Variants in WHRN observed in about 807,000 individuals in gnomAD.
WHRN encodes CASK-interacting protein CIP98.
A neutral mutation model predicts 68.3 loss-of-function variants in WHRN; 41 were observed. The observed-to-expected ratio is 0.60, with a 90% CI of 0.47 to 0.78. The LOEUF (loss-of-function observed/expected upper bound fraction) is 0.78. WHRN is among the 30% of genes least tolerant of loss of function. The pLI, the probability that WHRN is intolerant of heterozygous loss-of-function variation, is 0.00. For synonymous variants in WHRN, 560 were observed against 561.3 expected, an observed-to-expected ratio of 1.00 and a Z score of 0.03; for missense variants, 1,243 against 1,244.7, an observed-to-expected ratio of 1.00 and a Z score of 0.02.
Position 114,424,375 on chromosome 9 carries a change from G to T in WHRN, c.1375C>A (p.Leu459Ile). ...YRGGSVSVEA[L>I]VMALFKLLNT... ...AGCAGCTTGAACAGGGCCATGACGA[G>T]GGCCTCCACAGAGACGCTGCCACCA... The change falls in exon 6 of 12, where the codon CTC becomes ATC. Residue 459 changes from leucine (L) to isoleucine (I), a missense_variant. Coordinates refer to ENST00000362057, the MANE Select transcript of WHRN (RefSeq NM_015404.4). 1.2e-6 allele frequency: 2 copies of T among 1,612,466 alleles called. No individual in the cohort carries two copies. Among genetic ancestry groups the T allele is most frequent in the Non-Finnish European group, 1.7e-6 (2 of 1,179,988 alleles).
At chr9:114,471,565 A>G (rs1841223236) in intron 2 of WHRN, among the ~76,000 whole-genome samples, 1 of 152,230 alleles carries the variant, frequency 6.6e-6, no homozygotes, top group South Asian at 2.1e-4. Context: ...TGCCCAGTCT[A>G]TAAAAAGAAT....
chr9:114,428,080 C>A (rs965494948), intron 3 of WHRN, among the ~76,000 whole-genome samples: 1 of 152,232 alleles, frequency 6.6e-6, no homozygotes, highest in Non-Finnish European at 1.5e-5. Context: ...GTAATCCCAG[C>A]ACTTTGGGAG....
intron 3 of WHRN, among the ~76,000 whole-genome samples, chr9:114,431,270 G>A (rs935232891): frequency 5.3e-5 from 8 of 152,162 alleles, no homozygotes; most frequent in African/African-American, 1.7e-4. Context: ...ACTACCACTA[G>A]TTCCCAGGTA....
At chr9:114,407,674 C>T (rs895782051) in intron 8 of WHRN, among the ~76,000 whole-genome samples, 1 of 142,112 alleles carries the variant, frequency 7.0e-6, no homozygotes, top group African/African-American at 2.5e-5. Context: ...AACTGAGGCA[C>T]AGAGAGGCTA....
At chr9:114,464,656 G>T (rs12555873) in intron 3 of WHRN, among the ~76,000 whole-genome samples, 26,574 of 152,054 alleles carry the variant, frequency 0.17, 2,816 homozygotes, top group Middle Eastern at 0.26. Flanking sequence ...ATAATAATAA[G>T]AATTCCCCAT....
intron 3 of WHRN, among the ~76,000 whole-genome samples, chr9:114,461,381 G>A (rs1469021929): frequency 3.3e-5 from 5 of 152,194 alleles, no homozygotes; most frequent in Non-Finnish European, 7.3e-5. Context: ...ATAGAATACA[G>A]ATGAAATCCT....
intron 1 of WHRN, among the ~76,000 whole-genome samples, chr9:114,489,586 C>T (rs1842817981): frequency 6.6e-6 from 1 of 152,052 alleles, no homozygotes; most frequent in African/African-American, 2.4e-5. Context: ...AAGTGCTTTT[C>T]AGGTTAACTC....
intron 3 of WHRN, among the ~76,000 whole-genome samples, chr9:114,456,438 A>G (rs1478040596): frequency 6.6e-6 from 1 of 152,190 alleles, no homozygotes; most frequent in Non-Finnish European, 1.5e-5. Flanking sequence ...AGTAGCTGGG[A>G]AACATTGGTT....
intron 1 of WHRN, among the ~76,000 whole-genome samples, chr9:114,493,336 A>G (rs1843149563): frequency 1.5e-5 from 2 of 136,782 alleles, no homozygotes; most frequent in Admixed American, 1.5e-4. Context: ...GGCCAACAGA[A>G]TAAGACCCTA....
intron 1 of WHRN, among the ~76,000 whole-genome samples, chr9:114,490,979 TTTAAG>T (rs1281902887): frequency 2.0e-5 from 3 of 152,184 alleles, no homozygotes; most frequent in African/African-American, 7.2e-5. Context: ...TAAATGTTCT[TTTAAG>T]TTTTGTCTGT....
chr9:114,470,116 C>T (rs1459830278), intron 2 of WHRN, among the ~76,000 whole-genome samples: 6 of 152,200 alleles, frequency 3.9e-5, no homozygotes, highest in African/African-American at 7.2e-5. Flanking sequence ...GGGTTCCACT[C>T]ACAGGTTCCA....
chr9:114,406,558 C>A lies in WHRN; in HGVS notation c.2033G>T (p.Gly678Val). Residue 678 changes from glycine (G) to valine (V), a missense_variant, in exon 9 of 12, where the codon GGC becomes GTC. Physicochemically the swap from Gly to Val is moderately radical, Grantham distance 109. Transcript: ENST00000362057. ...HLALVNQHPI[G>V]PFPRVQSPPH... ...GGGTGACTGGACCCGTGGGAAGGGGCCGATGGGGTGTTGGTTGACCAGGGC... is the reference window on the plus strand; with the variant it reads ...GGGTGACTGGACCCGTGGGAAGGGGACGATGGGGTGTTGGTTGACCAGGGC... 1 of 1,611,966 alleles carries A rather than the reference C, an allele frequency of 6.2e-7. No homozygotes were observed. Among genetic ancestry groups the A allele is most frequent in the Non-Finnish European group, 8.5e-7 (1 of 1,178,700 alleles).
chr9:114,449,191 G>A (rs1839095510), intron 3 of WHRN, among the ~76,000 whole-genome samples: 1 of 152,190 alleles, frequency 6.6e-6, no homozygotes, highest in African/African-American at 2.4e-5. Flanking sequence ...CATTTAATTT[G>A]GCATGACCAC....
chr9:114,444,795 AAT>A (rs755390635), intron 3 of WHRN, among the ~76,000 whole-genome samples: 12 of 150,322 alleles, frequency 8.0e-5, no homozygotes, highest in Admixed American at 1.3e-4. Flanking sequence ...CTATATATAT[AAT>A]ATATATATAT....
intron 1 of WHRN, among the ~76,000 whole-genome samples, chr9:114,482,062 G>C (rs1344533071): frequency 6.6e-6 from 1 of 152,004 alleles, no homozygotes; most frequent in Non-Finnish European, 1.5e-5. Flanking sequence ...GCGCACAGTA[G>C]GTATTTGTGA....
At chr9:114,447,199 G>A (rs1194062081) in intron 3 of WHRN, among the ~76,000 whole-genome samples, 1 of 152,146 alleles carries the variant, frequency 6.6e-6, no homozygotes. Context: ...CCTCTCTGCA[G>A]CCACAACCAG....
chr9:114,490,420 A>G (rs188574742), intron 1 of WHRN, among the ~76,000 whole-genome samples: 1 of 152,318 alleles, frequency 6.6e-6, no homozygotes, highest in African/African-American at 2.4e-5. Flanking sequence ...CTTTAGTGCT[A>G]TTTAGATATG....
Position 114,490,887 on chromosome 9 carries a change from T to C in WHRN, c.619-12116A>G, listed in dbSNP as rs541603061. Among the ~76,000 whole-genome samples the C allele has an allele frequency of 5.3e-5, 8 of 152,366 alleles. No homozygotes were observed. In the South Asian group the frequency reaches 1.7e-3, roughly 32 times the overall value. On this transcript the variant is annotated intron_variant, in intron 1 of 11. Coordinates refer to ENST00000362057, the MANE Select transcript of WHRN (RefSeq NM_015404.4). ...AAGGACAGAACAGATTCCAGAAAGA[T>C]ATTGATTCCTCTTTAATGCAATTCT...
At chr9:114,469,938 G>A (rs995047263) in intron 2 of WHRN, among the ~76,000 whole-genome samples, 4 of 152,112 alleles carry the variant, frequency 2.6e-5, no homozygotes, top group Admixed American at 6.5e-5. Flanking sequence ...CTGGCAGCAC[G>A]GCATCTTCCA....
Sources: allele counts gnomAD v4.1 joint callset (sites outside exome capture counted in the v4.1 genomes callset), GRCh38; gene constraint gnomAD v4.1.1; transcripts MANE v1.5; gene names NCBI Gene and HGNC (gene_info 2026-07-23, HGNC 2026-07-21).